Variants in WWOX observed in about 807,000 individuals in gnomAD.
WWOX encodes WW domain containing oxidoreductase, also known as WW domain-containing oxidoreductase.
In WWOX, 69 loss-of-function variants were observed where a neutral mutation model predicts 46.2. The observed-to-expected ratio is 1.49, with a 90% CI of 1.23 to 1.82. WWOX has a LOEUF of 1.82. Ranked by LOEUF, WWOX falls within the 40% of genes most tolerant of loss-of-function variation. WWOX has a pLI of 0.00. For synonymous variants in WWOX, 359 were observed against 202.6 expected (o/e 1.77, Z -6.56); for missense variants, 919 against 542.6 (o/e 1.69, Z -6.89).
chr16:78,473,761 G>T (rs1024917224), intron 8 of WWOX, among the ~76,000 whole-genome samples: 3 of 152,094 alleles, frequency 2.0e-5, no homozygotes, highest in Non-Finnish European at 2.9e-5. Flanking sequence ...TCAGGTGTTA[G>T]CTGAAGATAC....
intron 8 of WWOX, among the ~76,000 whole-genome samples, chr16:78,434,422 C>G (rs1008261210): frequency 6.6e-6 from 1 of 152,240 alleles, no homozygotes; most frequent in East Asian, 1.9e-4. Flanking sequence ...ATGGTTATGC[C>G]TCATACTTTG....
chr16:78,452,664 C>G (rs917722912), intron 8 of WWOX, among the ~76,000 whole-genome samples: 9 of 151,468 alleles, frequency 5.9e-5, no homozygotes, highest in Non-Finnish European at 1.0e-4. Context: ...TTAATAGAGA[C>G]TAGGTTTTAC....
intron 8 of WWOX, among the ~76,000 whole-genome samples, chr16:78,742,490 T>C (rs1420855725): frequency 2.0e-5 from 3 of 152,242 alleles, no homozygotes; most frequent in Non-Finnish European, 4.4e-5. Flanking sequence ...ATCTACAGCG[T>C]GGACCAGAGC....
In WWOX at chr16:78,371,017, A is replaced by G. The variant is rs960614942; in HGVS notation, c.517-15843A>G. Among the ~76,000 whole-genome samples, 10 of 66,432 alleles carry G rather than the reference A, an allele frequency of 1.5e-4. No homozygotes were observed. In the South Asian group the frequency reaches 2.1e-3, roughly 14 times the overall value. 43.6% of individuals were successfully genotyped at this position (66,432 alleles called of 152,430 possible). On this transcript the variant is annotated intron_variant, in intron 5 of 8. Transcript: ENST00000566780. ...TTTTTACTTGTTTGTCCTTTCTTTT[A>G]TTATCTCTTGCTGTTATCCTCACTT...
In WWOX at chr16:78,814,385, A is replaced by C. The variant is rs574845758; in HGVS notation, c.1056+381633A>C. ...ATTCAAATCATATTCAAAAAATACT[A>C]TATGTTAAAAAATACGATGTTTCTG... On this transcript the variant is annotated intron_variant, in intron 8 of 8. Coordinates refer to ENST00000566780, the MANE Select transcript of WWOX (RefSeq NM_016373.4). Among the ~76,000 whole-genome samples, 12 of 152,252 alleles carry C rather than the reference A, an allele frequency of 7.9e-5. 1 individual carries two copies. In the South Asian group the frequency reaches 2.5e-3, roughly 32 times the overall value.
rs569779633 is a variant in WWOX, at chr16:79,084,069, T to G, written c.1057-127539T>G. On this transcript the variant is annotated intron_variant, in intron 8 of 8. Coordinates refer to ENST00000566780, the MANE Select transcript of WWOX (RefSeq NM_016373.4). Reference sequence around the variant, plus strand: ...CAGAACCAGACCATCGTGAACTTCTTGATTTACATGGTGGTGGAGAGTGGC... The same window carrying G: ...CAGAACCAGACCATCGTGAACTTCTGGATTTACATGGTGGTGGAGAGTGGC... Among the ~76,000 whole-genome samples, 5 of 152,228 alleles carry G rather than the reference T, an allele frequency of 3.3e-5. No individual in the cohort carries two copies. In the East Asian group the frequency reaches 9.7e-4, roughly 29 times the overall value.
intron 8 of WWOX, among the ~76,000 whole-genome samples, chr16:78,728,055 C>CTTCCTTTTTT: frequency 1.2e-5 from 1 of 86,782 alleles, no homozygotes; most frequent in Non-Finnish European, 2.1e-5. Context: ...TCCCTCCTTC[C>CTTCCTTTTTT]TTTTTTTTTT....
chr16:79,031,526 A>C (rs1462075587), intron 8 of WWOX, among the ~76,000 whole-genome samples: 2 of 152,076 alleles, frequency 1.3e-5, no homozygotes, highest in Non-Finnish European at 2.9e-5. Flanking sequence ...CCTAGAAGGA[A>C]GGGAAAAGCT....
intron 8 of WWOX, among the ~76,000 whole-genome samples, chr16:79,026,049 T>C (rs1297593617): frequency 6.6e-6 from 1 of 151,550 alleles, no homozygotes; most frequent in Non-Finnish European, 1.5e-5. Context: ...GATCTGCCTG[T>C]CTTGGCCTCC....
rs535006166 is a variant in WWOX at position 78,140,526 on chromosome 16, T to C, written c.410-23657T>C. ...AAATGTGTAGGGAAGGACCCTTCCT[T>C]GCCTCTTTCAGCTTCTGGTAGCCCT... On this transcript the variant is annotated intron_variant, in intron 4 of 8. Transcript: ENST00000566780. Among the ~76,000 whole-genome samples, 14 of 152,124 alleles carry C rather than the reference T, an allele frequency of 9.2e-5. No homozygotes were observed. In the South Asian group the frequency reaches 1.0e-3, roughly 11 times the overall value.
chr16:78,817,354 G>A (rs1178677819), intron 8 of WWOX, among the ~76,000 whole-genome samples: 4 of 151,948 alleles, frequency 2.6e-5, no homozygotes, highest in South Asian at 2.1e-4. Context: ...AAACCAGAAG[G>A]CATTTCTCCT....
chr16:79,110,800 A>G (rs906905685), intron 8 of WWOX: 1 of 152,182 alleles, frequency 6.6e-6, no homozygotes, highest in African/African-American at 2.4e-5. Context: ...TTTGAATCCC[A>G]GCTCTGCCTT....
At chr16:78,992,770 G>T (rs2046913773) in intron 8 of WWOX, among the ~76,000 whole-genome samples, 1 of 152,146 alleles carries the variant, frequency 6.6e-6, no homozygotes, top group Non-Finnish European at 1.5e-5. Context: ...CCGGAGGAAA[G>T]TGTCCTCTGA....
At chr16:78,743,565 C>A (rs1242749100) in intron 8 of WWOX, among the ~76,000 whole-genome samples, 1 of 152,064 alleles carries the variant, frequency 6.6e-6, no homozygotes, top group Non-Finnish European at 1.5e-5. Context: ...AGGAAAACAC[C>A]AACTTTCCAC....
At chr16:78,453,785 G>A (rs76860046) in intron 8 of WWOX, among the ~76,000 whole-genome samples, 310 of 152,200 alleles carry the variant, frequency 2.0e-3, no homozygotes, top group African/African-American at 7.1e-3. Flanking sequence ...TAAACAGTGC[G>A]AAGATAGTTA....
chr16:78,618,980 G>A (rs1361894044), intron 8 of WWOX, among the ~76,000 whole-genome samples: 2 of 149,388 alleles, frequency 1.3e-5, no homozygotes, highest in African/African-American at 4.9e-5. Context: ...GAAATTTCTG[G>A]GCAAAGTTTC....
chr16:78,226,745 C>T (rs1337121748), intron 5 of WWOX, among the ~76,000 whole-genome samples: 1 of 152,030 alleles, frequency 6.6e-6, no homozygotes. Context: ...GCTGTGGTTC[C>T]TGCTGATGGG....
At chr16:78,412,926 T>C (rs1262716742) in intron 6 of WWOX, among the ~76,000 whole-genome samples, 1 of 152,176 alleles carries the variant, frequency 6.6e-6, no homozygotes, top group Non-Finnish European at 1.5e-5. Flanking sequence ...TCCCAGCCCT[T>C]GTCTTTTTTA....
intron 8 of WWOX, among the ~76,000 whole-genome samples, chr16:78,849,587 A>AG (rs1555549764): frequency 2.6e-5 from 4 of 150,982 alleles, no homozygotes; most frequent in Non-Finnish European, 5.9e-5. Context: ...AAAAAAAAAA[A>AG]AAAAAGAAAA....
Sources: allele counts gnomAD v4.1 joint callset (sites outside exome capture counted in the v4.1 genomes callset), GRCh38; gene constraint gnomAD v4.1.1; transcripts MANE v1.5; gene names NCBI Gene and HGNC (gene_info 2026-07-23, HGNC 2026-07-21).